CFHR2: variants seen among roughly 807,000 people sequenced by gnomAD.
The protein encoded by CFHR2 is complement factor H-related protein 2.
Under a neutral mutation model 21.7 loss-of-function variants are expected in CFHR2, and 22 were observed. That is an observed-to-expected ratio of 1.01 (90% CI 0.72 to 1.45). The LOEUF is 1.45. Among genes scored for constraint, CFHR2 ranks in the 40% most tolerant of loss-of-function variants. The pLI is 0.00. For missense variants in CFHR2, 294 were observed against 293.3 expected (o/e 1.00, Z -0.02); for synonymous variants, 98 against 97.4 (o/e 1.01, Z -0.04).
chr1:196,958,876 T>A lies in CFHR2; in HGVS notation c.614-5T>A. 6.5e-7 allele frequency: 1 copy of A among 1,546,786 alleles called. No homozygotes were observed. Among genetic ancestry groups the A allele is most frequent in the Non-Finnish European group, 8.9e-7 (1 of 1,123,642 alleles). ...TGTTTTATGTTCATTTTTTTCTACTTTCAGATCCATGTGTAATATCACAAG... is the reference window on the plus strand; with the variant it reads ...TGTTTTATGTTCATTTTTTTCTACTATCAGATCCATGTGTAATATCACAAG... On this transcript the variant is annotated splice_region_variant and splice_polypyrimidine_tract_variant and intron_variant, in intron 4 of 4. Transcript: ENST00000367415.
intron 1 of CFHR2, among the ~76,000 whole-genome samples, chr1:196,948,249 T>C (rs945408737): frequency 2.0e-5 from 3 of 152,002 alleles, no homozygotes. Flanking sequence ...AACCTGTGTA[T>C]ATCCTCCCAA....
chr1:196,955,651 C>G (rs978625354), intron 3 of CFHR2, among the ~76,000 whole-genome samples: 1 of 152,114 alleles, frequency 6.6e-6, no homozygotes, highest in African/African-American at 2.4e-5. Flanking sequence ...GAATTTGGGA[C>G]TAGCCTGACC....
chr1:196,950,458 GT>G (rs1223159603), intron 2 of CFHR2, among the ~76,000 whole-genome samples: 4 of 151,436 alleles, frequency 2.6e-5, no homozygotes, highest in Admixed American at 6.6e-5. Context: ...TTGGTTTTTT[GT>G]TTGTTTGTTT....
intron 3 of CFHR2, among the ~76,000 whole-genome samples, chr1:196,953,707 T>A (rs1457706874): frequency 6.6e-6 from 1 of 152,232 alleles, no homozygotes; most frequent in East Asian, 1.9e-4. Flanking sequence ...AAGTTTTATA[T>A]AAGTGAAATG....
At chr1:196,954,136 T>C (rs2125011466) in intron 3 of CFHR2, among the ~76,000 whole-genome samples, 1 of 152,368 alleles carries the variant, frequency 6.6e-6, no homozygotes, top group Non-Finnish European at 1.5e-5. Context: ...TTGGTAAAAT[T>C]GGGAATAATT....
Position 196,959,307 on chromosome 1 carries a change from A to T in CFHR2, c.*227A>T, listed in dbSNP as rs1367626337. 23 of 429,486 alleles carry T rather than the reference A, an allele frequency of 5.4e-5. No individual in the cohort carries two copies. Among genetic ancestry groups the T allele is most frequent in the African/African-American group, 3.8e-4 (19 of 49,406 alleles). 26.6% of individuals were successfully genotyped at this position (429,486 alleles called of 1,614,324 possible). On this transcript the variant is annotated 3_prime_UTR_variant, in exon 5 of 5. Transcript: ENST00000367415. ...AGGAATTGTCTTTTTTTTTCTTTTTAAAAAAATTGACAATAACTGTATATA... is the reference window on the plus strand; with the variant it reads ...AGGAATTGTCTTTTTTTTTCTTTTTTAAAAAATTGACAATAACTGTATATA...
At chr1:196,958,147 G>C (rs1652970058) in intron 4 of CFHR2, 74 bp downstream of exon 4, 1 of 1,437,538 alleles carries the variant, frequency 7.0e-7, no homozygotes, top group East Asian at 2.3e-5. Flanking sequence ...GTTTGTAATA[G>C]AATTTTCACA....
At chr1:196,948,371 G>A (rs1188141524) in intron 1 of CFHR2, among the ~76,000 whole-genome samples, 4 of 152,082 alleles carry the variant, frequency 2.6e-5, no homozygotes, top group Non-Finnish European at 5.9e-5. Flanking sequence ...CCCCTCCTGG[G>A]TTCAAGTGAT....
At chr1:196,950,712 A>T in intron 2 of CFHR2, 140 bp from the exon 3 acceptor site, 2 of 875,582 alleles carry the variant, frequency 2.3e-6, no homozygotes, top group Non-Finnish European at 3.6e-6. Flanking sequence ...GCCTCAAATG[A>T]TCCACTCACC....
chr1:196,951,313 G>T (rs556459006), intron 3 of CFHR2, among the ~76,000 whole-genome samples: 1 of 152,088 alleles, frequency 6.6e-6, no homozygotes, highest in Non-Finnish European at 1.5e-5. Context: ...TTATAGTATC[G>T]GGTTAGTTGA....
At chr1:196,945,084 C>G (rs1471790779) in intron 1 of CFHR2, among the ~76,000 whole-genome samples, 2 of 144,944 alleles carry the variant, frequency 1.4e-5, no homozygotes, top group Non-Finnish European at 3.1e-5. Context: ...CCATGTTGGT[C>G]AGGCTGGTCT....
intron 3 of CFHR2, among the ~76,000 whole-genome samples, chr1:196,952,524 C>T (rs182724776): frequency 6.6e-6 from 1 of 152,264 alleles, no homozygotes; most frequent in East Asian, 1.9e-4. Flanking sequence ...CATGAACAAG[C>T]TCTCTTCATT....
intron 3 of CFHR2, among the ~76,000 whole-genome samples, chr1:196,957,166 T>C (rs745647224): frequency 2.6e-5 from 4 of 152,120 alleles, no homozygotes; most frequent in African/African-American, 9.7e-5. Flanking sequence ...GGGGATTTTC[T>C]TTTTCTGTCT....
chr1:196,951,845 A>C (rs548695366), intron 3 of CFHR2, among the ~76,000 whole-genome samples: 1 of 152,280 alleles, frequency 6.6e-6, no homozygotes, highest in East Asian at 1.9e-4. Flanking sequence ...CTCACAGCAC[A>C]GAGTCTAGAA....
chr1:196,957,543 C>T (rs1030527502), intron 3 of CFHR2, among the ~76,000 whole-genome samples: 1 of 152,016 alleles, frequency 6.6e-6, no homozygotes, highest in Admixed American at 6.6e-5. Flanking sequence ...AATGAAATGA[C>T]TACAGACCCA....
At position 196,959,282 on chromosome 1, in the gene CFHR2, A is replaced by G. The variant is rs1264433364; in HGVS notation, c.*202A>G. 4 of 493,814 alleles carry G rather than the reference A, an allele frequency of 8.1e-6. No homozygotes were observed. The highest frequency in any genetic ancestry group is 2.0e-5 in the African/African-American group (1 of 50,928). The allele number at this position is 493,814 out of a possible 1,614,324, so 30.6% of individuals were successfully genotyped here. ...CTTCACCAAATCTAAGTAACAACCT[A>G]GGAATTGTCTTTTTTTTTCTTTTTA... is the stretch of plus-strand genomic sequence containing the variant. On this transcript the variant is annotated 3_prime_UTR_variant, in exon 5 of 5. Transcript: ENST00000367415.
At chr1:196,949,797 G>A (rs567109016) in intron 2 of CFHR2, 148 bp downstream of exon 2, 2 of 990,280 alleles carry the variant, frequency 2.0e-6, no homozygotes, top group East Asian at 2.6e-5. Flanking sequence ...TTTTGAGATG[G>A]CTCCTATGAG....
chr1:196,949,982 A>G (rs1465742169), intron 2 of CFHR2, among the ~76,000 whole-genome samples: 1 of 152,206 alleles, frequency 6.6e-6, no homozygotes, highest in Non-Finnish European at 1.5e-5. Context: ...GTCATTTTAT[A>G]CATATTCTGT....
At chr1:196,949,414 A>G in intron 1 of CFHR2, 41 bp from the exon 2 acceptor site, 3 of 1,545,652 alleles carry the variant, frequency 1.9e-6, no homozygotes, top group Non-Finnish European at 1.8e-6. Context: ...TTATTTATGT[A>G]GCTTATTATG....
Sources: allele counts gnomAD v4.1 joint callset (sites outside exome capture counted in the v4.1 genomes callset), GRCh38; gene constraint gnomAD v4.1.1; transcripts MANE v1.5; gene names NCBI Gene and HGNC (gene_info 2026-07-23, HGNC 2026-07-21).